Variants in CNTROB observed in about 807,000 individuals in gnomAD.
The protein encoded by CNTROB is centrobin, centriole duplication and spindle assembly protein.
CNTROB carries 82 observed loss-of-function variants against 115.7 expected under a neutral mutation model. The ratio of observed to expected loss-of-function variants is 0.71; its 90% CI spans 0.59 to 0.85. The LOEUF (loss-of-function observed/expected upper bound fraction) is 0.85, where lower values mean the gene tolerates loss of function less well. Among genes scored for constraint, CNTROB ranks in the 40% least tolerant of loss-of-function variants. The pLI, the probability that CNTROB is intolerant of heterozygous loss-of-function variation, is 0.00. For missense variants in CNTROB, 1,014 were observed against 1,144.4 expected (o/e 0.89, Z 1.64); for synonymous variants, 439 against 456.4 (o/e 0.96, Z 0.49).
rs766121699 is a variant in CNTROB at position 7,936,687 on chromosome 17, T to C, written c.712-14T>C. 1.8e-6 allele frequency: 2 copies of C among 1,141,494 alleles called. No individual in the cohort carries two copies. The highest frequency in any genetic ancestry group is 2.5e-5 in the South Asian group (2 of 81,614). The allele number at this position is 1,141,494 out of a possible 1,614,324, so 70.7% of individuals were successfully genotyped here. A position where few individuals can be genotyped will look rare whatever the true frequency, so the allele number is the denominator to read the frequency against. ...AAGTTATTTTGAAATTTCATCTTAC[T>C]TGCCCTACCTAAGACCCTGGCCCGT... On this transcript the variant is annotated splice_polypyrimidine_tract_variant and intron_variant, in intron 5 of 18. Transcript: ENST00000563694.
rs1265109766 is a variant in CNTROB at position 7,949,791 on chromosome 17, C to T, written c.*281C>T. 2 of 327,350 alleles carry T rather than the reference C, an allele frequency of 6.1e-6. No individual in the cohort carries two copies. Among genetic ancestry groups the T allele is most frequent in the East Asian group, 1.0e-4 (2 of 19,478 alleles). 20.3% of individuals were successfully genotyped at this position (327,350 alleles called of 1,614,324 possible). On this transcript the variant is annotated 3_prime_UTR_variant, in exon 19 of 19. Coordinates refer to ENST00000563694, the MANE Select transcript of CNTROB (RefSeq NM_053051.5). ...ATTCAGTGGACAAAGCTAAAACCTG[C>T]AGAGCAATGAACTCTGGGTGGTAGT...
chr17:7,944,481 C>A lies in CNTROB; in HGVS notation c.1577C>A (p.Ala526Asp). The A allele has an allele frequency of 6.2e-7, 1 of 1,613,656 alleles. No individual in the cohort carries two copies. Among genetic ancestry groups the A allele is most frequent in the Non-Finnish European group, 8.5e-7 (1 of 1,179,722 alleles). The stretch of plus-strand genomic sequence containing the variant: ...TTCTTCTCTCTTTGCTTCAGACTGG[C>A]CCGGGAGCAAGCGCGAGTGTGCGAA... Reference protein sequence around the residue: ...QVAEDYELRLAREQARVCELQ... With the variant: ...QVAEDYELRLDREQARVCELQ... Residue 526 changes from alanine (A) to aspartate (D), a missense_variant, in exon 12 of 19, where the codon GCC becomes GAC. Ala to Asp is a moderately radical substitution (Grantham distance 126). Coordinates refer to ENST00000563694, the MANE Select transcript of CNTROB (RefSeq NM_053051.5). This position sits in a 1 kb window ranked among gnomAD's most constrained non-coding sequence, Gnocchi z 4.0.
rs1457651737 is a variant in CNTROB, at chr17:7,949,531, C to G, written c.*21C>G. 1 of 1,584,164 alleles carries G rather than the reference C, an allele frequency of 6.3e-7. No individual in the cohort carries two copies. The highest frequency in any genetic ancestry group is 8.6e-7 in the Non-Finnish European group (1 of 1,166,772). On this transcript the variant is annotated 3_prime_UTR_variant, in exon 19 of 19. Transcript: ENST00000563694. ...GATGAGCCCCCCTACCCTCTCTCCTCTTTGTTCTCTCATTGTTGTTATTTT... is the reference window on the plus strand; with the variant it reads ...GATGAGCCCCCCTACCCTCTCTCCTGTTTGTTCTCTCATTGTTGTTATTTT...
At position 7,932,820 on chromosome 17, in the gene CNTROB, C is replaced by T; in HGVS notation, c.-260C>T. On this transcript the variant is annotated 5_prime_UTR_variant, in exon 1 of 19. Transcript: ENST00000563694. The stretch of plus-strand genomic sequence containing the variant: ...CCCACAGTAGGTCTTCTGTCCGCAC[C>T]CGCTCTGCGCTGCACCCTCTTAACG... 1 of 465,806 alleles carries T rather than the reference C, an allele frequency of 2.1e-6. No homozygotes were observed. Among genetic ancestry groups the T allele is most frequent in the Non-Finnish European group, 3.8e-6 (1 of 263,310 alleles). The allele number at this position is 465,806 out of a possible 1,614,324, so 28.9% of individuals were successfully genotyped here.
chr17:7,949,167 A>T lies in CNTROB; in HGVS notation c.2586+10A>T. 6.2e-7 allele frequency: 1 copy of T among 1,613,650 alleles called. No individual in the cohort carries two copies. Among genetic ancestry groups the T allele is most frequent in the South Asian group, 1.1e-5 (1 of 91,076 alleles). On this transcript the variant is annotated intron_variant, in intron 18 of 18. Transcript: ENST00000563694. ...GATCCCCCGGAAAGAGGTGAGGGAA[A>T]GTCAGGCAGGGACCAGGGGAGAAAA...
At position 7,948,326 on chromosome 17, in the gene CNTROB, A is replaced by G. The variant is rs1298822399; in HGVS notation, c.2379A>G (p.Arg793=). 1 of 1,613,816 alleles carries G rather than the reference A, an allele frequency of 6.2e-7. No homozygotes were observed. The highest frequency in any genetic ancestry group is 2.2e-5 in the East Asian group (1 of 44,848). The change falls in exon 16 of 19, where the codon AGA becomes AGG. Residue 793 remains arginine (R), a splice_region_variant and synonymous_variant. Transcript: ENST00000563694. The surrounding 1 kb of genome is among the most constrained non-coding windows in gnomAD (Gnocchi z 4.4). ...GTCCCAGCAGTGGTTCCCCAGAGAG[A>G]GGTGAGCATGTTCTGGTTTATTAGG... is the stretch of plus-strand genomic sequence containing the variant. ...GSGPSSGSPE[R]GGDGLTFPRQ...
At position 7,949,662 on chromosome 17, in the gene CNTROB, C is replaced by A. The variant is rs1318391610; in HGVS notation, c.*152C>A. 19 of 665,198 alleles carry A rather than the reference C, an allele frequency of 2.9e-5. No homozygotes were observed. The highest frequency in any genetic ancestry group is 2.3e-6 in the Non-Finnish European group (1 of 428,568). 41.2% of individuals were successfully genotyped at this position (665,198 alleles called of 1,614,324 possible). On this transcript the variant is annotated 3_prime_UTR_variant, in exon 19 of 19. Coordinates refer to ENST00000563694, the MANE Select transcript of CNTROB (RefSeq NM_053051.5). ...TAAAGAAACCACATTTGGTTGAGTACTTTTTTTATATGTTACATGTTTATA... is the reference window on the plus strand; with the variant it reads ...TAAAGAAACCACATTTGGTTGAGTAATTTTTTTATATGTTACATGTTTATA...
intron 13 of CNTROB, among the ~76,000 whole-genome samples, chr17:7,947,120 C>T (rs1248629843): frequency 6.7e-6 from 1 of 149,930 alleles, no homozygotes; most frequent in Non-Finnish European, 1.5e-5. Flanking sequence ...GAGATCGCGC[C>T]GCTGCACTTC....
intron 9 of CNTROB, 132 bp downstream of exon 9, chr17:7,940,374 T>C: frequency 1.3e-6 from 1 of 767,700 alleles, no homozygotes; most frequent in Non-Finnish European, 2.0e-6. Context: ...AGTTTCTATG[T>C]AGTATGGGTA....
chr17:7,939,805 A>G lies in CNTROB; in HGVS notation c.1164+56A>G. 6.8e-7 allele frequency: 1 copy of G among 1,474,578 alleles called. No homozygotes were observed. The highest frequency in any genetic ancestry group is 9.5e-7 in the Non-Finnish European group (1 of 1,055,320). 91.3% of individuals were successfully genotyped at this position (1,474,578 alleles called of 1,614,324 possible). Reference sequence around the variant, plus strand: ...CTAGGGAGTAGATGAAGGGCAAAATAATTGAATGGGATGGAATGTTAGAAT... The same window carrying G: ...CTAGGGAGTAGATGAAGGGCAAAATGATTGAATGGGATGGAATGTTAGAAT... On this transcript the variant is annotated intron_variant, in intron 8 of 18. Transcript: ENST00000563694. The surrounding 1 kb of genome is among the most constrained non-coding windows in gnomAD (Gnocchi z 4.4).
chr17:7,933,331 AAAGAACTTG>A lies in CNTROB; in HGVS notation c.258_266del (p.Asn86_Lys88del). On this transcript the variant is annotated inframe_deletion, in exon 1 of 19. Coordinates refer to ENST00000563694, the MANE Select transcript of CNTROB (RefSeq NM_053051.5). ...GTCGAAGCTTGTCAGTCGGATTGGA[AAAGAACTTG>A]AAGAAAAAGGTGAGGGAAGTGTGTC... is the stretch of plus-strand genomic sequence containing the variant. 1 of 1,613,358 alleles carries A rather than the reference AAAGAACTTG, an allele frequency of 6.2e-7. No homozygotes were observed.
At chr17:7,935,759 TA>T (rs1567910220) in intron 4 of CNTROB, 1 of 162,182 alleles carries the variant, frequency 6.2e-6, no homozygotes, top group South Asian at 1.6e-4. Context: ...AGAATATACA[TA>T]ACACAGAAAC....
At position 7,933,306 on chromosome 17, in the gene CNTROB, G is replaced by A. The variant is rs778882036; in HGVS notation, c.227G>A (p.Ser76Asn). The A allele has an allele frequency of 2.5e-6, 4 of 1,614,120 alleles. No homozygotes were observed. Among genetic ancestry groups the A allele is most frequent in the Non-Finnish European group, 3.4e-6 (4 of 1,180,002 alleles). The change falls in exon 1 of 19, where the codon AGT (serine) becomes AAT (asparagine). Residue 76 changes from serine to asparagine, a missense_variant. Ser to Asn is a conservative substitution (Grantham distance 46). Coordinates refer to ENST00000563694, the MANE Select transcript of CNTROB (RefSeq NM_053051.5). ...EGLDGFAQEL[S>N]RSLSVGLEKN... is the part of the protein sequence containing the mutation. ...TTAGACGGCTTCGCCCAAGAATTGAGTCGAAGCTTGTCAGTCGGATTGGAA... is the reference window on the plus strand; with the variant it reads ...TTAGACGGCTTCGCCCAAGAATTGAATCGAAGCTTGTCAGTCGGATTGGAA...
At chr17:7,949,289 A>G (rs1472746326) in intron 18 of CNTROB, 96 bp from the exon 19 acceptor site, 3 of 1,587,616 alleles carry the variant, frequency 1.9e-6, no homozygotes, top group African/African-American at 2.7e-5. Flanking sequence ...CTCCCTGCAG[A>G]CTCATCTGGC....
Position 7,939,131 on chromosome 17 carries a change from C to T in CNTROB, c.928-382C>T, listed in dbSNP as rs11652681. Among the ~76,000 whole-genome samples the T allele has an allele frequency of 0.48, 72,595 of 151,358 alleles. 17,936 individuals carry two copies. Among genetic ancestry groups the T allele is most frequent in the East Asian group, 0.76 (3,915 of 5,144 alleles). On this transcript the variant is annotated intron_variant, in intron 7 of 18. Transcript: ENST00000563694. This position sits in a 1 kb window ranked among gnomAD's most constrained non-coding sequence, Gnocchi z 4.4. The stretch of plus-strand genomic sequence containing the variant: ...TTTGAGATGGAGTCTTGCTCGATGT[C>T]GCCTAGGCTGGAGTGCAGTTGTGTG...
At chr17:7,942,787 ATTTTTTTTT>A (rs71159534) in intron 9 of CNTROB, among the ~76,000 whole-genome samples, 3 of 35,786 alleles carry the variant, frequency 8.4e-5, no homozygotes, top group East Asian at 7.0e-4. Context: ...TACTCAGGGT[ATTTTTTTTT>A]TTTTTTTTTT....
At chr17:7,936,110 T>C in intron 4 of CNTROB, 1 of 450,602 alleles carries the variant, frequency 2.2e-6, no homozygotes, top group East Asian at 3.9e-5. Context: ...GGATTTTTAC[T>C]CAGGAGATCC....
At chr17:7,946,558 C>T (rs759306064) in intron 13 of CNTROB, among the ~76,000 whole-genome samples, 31 of 152,270 alleles carry the variant, frequency 2.0e-4, no homozygotes, top group Admixed American at 3.9e-4. Context: ...AACATGACAA[C>T]CTAGGTCGAA....
rs1188050437 is a variant in CNTROB, at chr17:7,933,115, C to T, written c.36C>T (p.Leu12=). ...CAGCTGACAGCCCCAGTTCACCCCT[C>T]GGGGCGGAGGATCTCCTGAGTGATT... ...ATSADSPSSP[L]GAEDLLSDSS... Residue 12 remains leucine (L), a synonymous_variant, in exon 1 of 19, where the codon CTC becomes CTT. Transcript: ENST00000563694. 1.9e-6 allele frequency: 3 copies of T among 1,614,062 alleles called. No homozygotes were observed. The highest frequency in any genetic ancestry group is 2.5e-6 in the Non-Finnish European group (3 of 1,180,022).
Sources: gnomAD v4.1 joint callset for allele counts (sites outside exome capture counted in the v4.1 genomes callset) on GRCh38, gnomAD v4.1.1 for gene constraint, Gnocchi (gnomAD v3.1) non-coding constraint, MANE v1.5 for transcripts, NCBI Gene and HGNC (gene_info 2026-07-23, HGNC 2026-07-21) for gene names.